The following CDK5RAP2 variants were observed in gnomAD, a reference collection of about 807,000 sequenced individuals.
CDK5RAP2 encodes CDK5 regulatory subunit associated protein 2, also known as CDK5 regulatory subunit-associated protein 2.
A neutral mutation model predicts 232.9 loss-of-function variants in CDK5RAP2; 147 were observed. The observed-to-expected ratio is 0.63, with a 90% CI of 0.55 to 0.72. The LOEUF is 0.72. Ranked by LOEUF, CDK5RAP2 falls within the 30% of genes least tolerant of loss-of-function variation. CDK5RAP2 has a pLI of 0.00. For missense variants in CDK5RAP2, 2,195 were observed against 2,231.5 expected (o/e 0.98, Z 0.33); for synonymous variants, 833 against 833.7 (o/e 1.00, Z 0.01).
At chr9:120,427,667 AG>A (rs2035001263) in intron 25 of CDK5RAP2, among the ~76,000 whole-genome samples, 1 of 152,264 alleles carries the variant, frequency 6.6e-6, no homozygotes, top group Non-Finnish European at 1.5e-5. Context: ...CCTGGAGGAT[AG>A]GCAGAATTTC....
chr9:120,389,560 C>T (rs572171834), intron 37 of CDK5RAP2, among the ~76,000 whole-genome samples, 181 bp downstream of exon 37: 6 of 152,232 alleles, frequency 3.9e-5, no homozygotes, highest in South Asian at 2.1e-4. Flanking sequence ...AACTTAGAAC[C>T]CCTACTGGCG....
intron 12 of CDK5RAP2, among the ~76,000 whole-genome samples, chr9:120,503,116 A>G (rs1289007311): frequency 6.6e-6 from 1 of 152,024 alleles, no homozygotes; most frequent in East Asian, 1.9e-4. Flanking sequence ...TTCCACCCAA[A>G]TGTGCTATTG....
In CDK5RAP2 at chr9:120,439,584, G is replaced by A. The variant is rs555575334; in HGVS notation, c.3537C>T (p.Tyr1179=). The A allele has an allele frequency of 6.2e-5, 100 of 1,614,152 alleles. No homozygotes were observed. Among genetic ancestry groups the A allele is most frequent in the South Asian group, 2.2e-4 (20 of 91,086 alleles). ...MTFSSLHQVR[Y]VKHVKILGPL... ...GACCGAGGATTTTCACGTGTTTCAC[G>A]TATCGCACTTGGTGCAAACTTGAAA... Residue 1179 remains tyrosine (Y), a synonymous_variant, in exon 24 of 38, where the codon TAC becomes TAT. Coordinates refer to ENST00000349780, the MANE Select transcript of CDK5RAP2 (RefSeq NM_018249.6).
intron 21 of CDK5RAP2, among the ~76,000 whole-genome samples, chr9:120,452,588 G>T (rs866866949): frequency 2.6e-5 from 4 of 151,704 alleles, no homozygotes; most frequent in East Asian, 1.9e-4. Flanking sequence ...ATTCTTGGCC[G>T]TGGGGGGGTC....
intron 23 of CDK5RAP2, 26 bp from the exon 24 acceptor site, chr9:120,439,998 G>C (rs1315350477): frequency 1.3e-6 from 2 of 1,596,698 alleles, no homozygotes; most frequent in Admixed American, 3.3e-5. Context: ...ACTTATGTCA[G>C]TATCTCTTTT....
At chr9:120,437,585 C>G in intron 24 of CDK5RAP2, 58 bp from the exon 25 acceptor site, 1 of 1,248,182 alleles carries the variant, frequency 8.0e-7, no homozygotes, top group Non-Finnish European at 1.2e-6. Flanking sequence ...TTTTTGTGAC[C>G]TTAACACTAA....
intron 12 of CDK5RAP2, among the ~76,000 whole-genome samples, chr9:120,498,758 C>T (rs1409926241): frequency 1.3e-5 from 2 of 151,822 alleles, no homozygotes; most frequent in East Asian, 1.9e-4. Context: ...TGGTGACTCA[C>T]GCCTGTAATA....
chr9:120,467,030 C>G (rs1335263595), intron 18 of CDK5RAP2, among the ~76,000 whole-genome samples: 1 of 152,136 alleles, frequency 6.6e-6, no homozygotes, highest in Non-Finnish European at 1.5e-5. Context: ...GTGCTTCCTA[C>G]GAGAGAGTCA....
chr9:120,477,497 G>A, intron 14 of CDK5RAP2, 47 bp from the exon 15 acceptor site: 1 of 1,348,286 alleles, frequency 7.4e-7, no homozygotes, highest in South Asian at 1.2e-5. Flanking sequence ...AATTTTGAAA[G>A]AGTACATCCT....
chr9:120,460,313 A>C (rs146634921), intron 19 of CDK5RAP2, among the ~76,000 whole-genome samples: 11 of 152,330 alleles, frequency 7.2e-5, no homozygotes, highest in Non-Finnish European at 1.5e-4. Context: ...TCAAACATCC[A>C]ATGCCTGCTA....
intron 1 of CDK5RAP2, among the ~76,000 whole-genome samples, chr9:120,576,164 T>C (rs1185713545): frequency 6.6e-6 from 1 of 152,224 alleles, no homozygotes; most frequent in Non-Finnish European, 1.5e-5. Context: ...GATAATTCAA[T>C]TTGTTTCCAA....
intron 12 of CDK5RAP2, among the ~76,000 whole-genome samples, chr9:120,515,249 A>AC (rs1265163466): frequency 6.6e-6 from 1 of 152,098 alleles, no homozygotes; most frequent in Non-Finnish European, 1.5e-5. Flanking sequence ...CTATAAATGG[A>AC]CCCTCTGGCC....
chr9:120,496,563 G>A (rs2039260217), intron 12 of CDK5RAP2, among the ~76,000 whole-genome samples: 1 of 151,198 alleles, frequency 6.6e-6, no homozygotes, highest in Non-Finnish European at 1.5e-5. Context: ...GGGAGGTGGG[G>A]GGGTCGGCCC....
chr9:120,402,814 CCAGCT>C lies in CDK5RAP2; in HGVS notation c.5294_5298del (p.Glu1765GlyfsTer50). On this transcript the variant is annotated frameshift_variant, in exon 34 of 38. Transcript: ENST00000349780. LOFTEE classifies it high-confidence loss of function. ...CTCTGTGGTCAGGTTACCTTTGTTC[CCAGCT>C]CTTGACTTGTGGAGCTGGGAGCCTC... The C allele has an allele frequency of 6.2e-7, 1 of 1,613,988 alleles. No individual in the cohort carries two copies. The highest frequency in any genetic ancestry group is 8.5e-7 in the Non-Finnish European group (1 of 1,180,016).
At chr9:120,545,526 AT>A (rs1358792033) in intron 5 of CDK5RAP2, among the ~76,000 whole-genome samples, 187 bp downstream of exon 5, 4 of 152,320 alleles carry the variant, frequency 2.6e-5, no homozygotes, top group Non-Finnish European at 5.9e-5. Context: ...AGATCTGTTC[AT>A]TTTTCTATAA....
At chr9:120,494,596 G>C (rs1157911233) in intron 12 of CDK5RAP2, among the ~76,000 whole-genome samples, 1 of 149,588 alleles carries the variant, frequency 6.7e-6, no homozygotes, top group Non-Finnish European at 1.5e-5. Context: ...AGTCCATACT[G>C]ATAGAAACAA....
intron 3 of CDK5RAP2, among the ~76,000 whole-genome samples, chr9:120,557,873 T>C (rs928414591): frequency 1.3e-5 from 2 of 148,866 alleles, no homozygotes; most frequent in African/African-American, 4.9e-5. Flanking sequence ...CAAGCGATTC[T>C]CCCTGCTTCA....
Position 120,403,729 on chromosome 9 carries a change from A to G in CDK5RAP2, c.5041+307T>C. 2.3e-6 allele frequency: 1 copy of G among 440,462 alleles called. No homozygotes were observed. The highest frequency in any genetic ancestry group is 4.2e-6 in the Non-Finnish European group (1 of 237,226). The allele number at this position is 440,462 out of a possible 1,614,324, so 27.3% of individuals were successfully genotyped here. A position where few individuals can be genotyped will look rare whatever the true frequency, so the allele number is the denominator to read the frequency against. On this transcript the variant is annotated intron_variant, in intron 33 of 37. Coordinates refer to ENST00000349780, the MANE Select transcript of CDK5RAP2 (RefSeq NM_018249.6). The surrounding 1 kb of genome is among the most constrained non-coding windows in gnomAD (Gnocchi z 4.2). ...GACCCCTGTGTGGCTACACCAGGTT[A>G]AGGGATAAGGCTGGACGGACCCACT... is the stretch of plus-strand genomic sequence containing the variant.
chr9:120,529,252 C>T (rs895325646), intron 8 of CDK5RAP2, among the ~76,000 whole-genome samples: 4 of 152,224 alleles, frequency 2.6e-5, no homozygotes, highest in African/African-American at 4.8e-5. Context: ...TGTGAACATA[C>T]GACATGCAGC....
Sources: gnomAD v4.1 joint callset for allele counts (sites outside exome capture counted in the v4.1 genomes callset) on GRCh38, gnomAD v4.1.1 for gene constraint, Gnocchi (gnomAD v3.1) non-coding constraint, MANE v1.5 for transcripts, NCBI Gene and HGNC (gene_info 2026-07-23, HGNC 2026-07-21) for gene names.